Variants in PLCB4 observed in about 807,000 individuals in gnomAD.
PLCB4 encodes phospholipase C beta 4.
In PLCB4, 77 loss-of-function variants were observed where a neutral mutation model predicts 178.8. That is an observed-to-expected ratio of 0.43 (90% CI 0.36 to 0.52). The LOEUF (loss-of-function observed/expected upper bound fraction) is 0.52. Among genes scored for constraint, PLCB4 ranks in the 20% least tolerant of loss-of-function variants. The pLI, the probability that PLCB4 is intolerant of heterozygous loss-of-function variation, is 0.00. For synonymous variants in PLCB4, 496 were observed against 490.8 expected (o/e 1.01, Z -0.14); for missense variants, 1,024 against 1,453.4 (o/e 0.70, Z 4.80).
intron 35 of PLCB4, among the ~76,000 whole-genome samples, chr20:9,464,488 G>C (rs564444496): frequency 6.6e-6 from 1 of 151,806 alleles, no homozygotes; most frequent in East Asian, 1.9e-4. Context: ...CAATGAATCC[G>C]GGAGCTGGTT....
intron 4 of PLCB4, among the ~76,000 whole-genome samples, chr20:9,315,681 C>T (rs1451452284): frequency 6.6e-6 from 1 of 151,996 alleles, no homozygotes; most frequent in East Asian, 1.9e-4. Context: ...ACCTATAATC[C>T]CAGCACTTTG....
intron 2 of PLCB4, among the ~76,000 whole-genome samples, chr20:9,176,418 T>C (rs1387571852): frequency 2.0e-5 from 3 of 152,202 alleles, no homozygotes; most frequent in African/African-American, 7.2e-5. Context: ...AACTGCCAAA[T>C]TGGTTTATAA....
chr20:9,264,792 A>G (rs187676667), intron 3 of PLCB4, among the ~76,000 whole-genome samples: 62 of 152,284 alleles, frequency 4.1e-4, no homozygotes, highest in Non-Finnish European at 7.4e-5. Context: ...CCATCTCCAG[A>G]GAGTCCAGAG....
intron 2 of PLCB4, among the ~76,000 whole-genome samples, chr20:9,148,428 A>C (rs993683721): frequency 3.9e-5 from 6 of 152,178 alleles, no homozygotes; most frequent in African/African-American, 1.4e-4. Flanking sequence ...CACAAAGGGC[A>C]AAGGGTAAGG....
intron 8 of PLCB4, 129 bp downstream of exon 8, chr20:9,363,104 G>A: frequency 1.4e-6 from 1 of 708,552 alleles, no homozygotes; most frequent in Middle Eastern, 2.3e-4. Flanking sequence ...CCTGACCTTG[G>A]AGTTGACCAA....
chr20:9,325,499 A>T (rs1192002754), intron 4 of PLCB4, among the ~76,000 whole-genome samples: 1 of 152,180 alleles, frequency 6.6e-6, no homozygotes, highest in Non-Finnish European at 1.5e-5. Context: ...GGCAAGAGTC[A>T]GGGAACCCTC....
At chr20:9,247,871 C>T (rs1376083321) in intron 3 of PLCB4, among the ~76,000 whole-genome samples, 1 of 152,126 alleles carries the variant, frequency 6.6e-6, no homozygotes, top group African/African-American at 2.4e-5. Context: ...ATGCAGCCTC[C>T]ATTTCCTCTC....
At chr20:9,154,367 A>G (rs902369695) in intron 2 of PLCB4, among the ~76,000 whole-genome samples, 1 of 152,198 alleles carries the variant, frequency 6.6e-6, no homozygotes, top group Non-Finnish European at 1.5e-5. Context: ...GATGATGGAG[A>G]GGAGAATGAC....
chr20:9,320,519 C>A (rs950134487), intron 4 of PLCB4, among the ~76,000 whole-genome samples: 1 of 152,146 alleles, frequency 6.6e-6, no homozygotes, highest in Non-Finnish European at 1.5e-5. Context: ...AATGCCTAAC[C>A]TCCTGGGAAT....
chr20:9,095,641 A>T (rs977855647), intron 1 of PLCB4, among the ~76,000 whole-genome samples: 13 of 152,218 alleles, frequency 8.5e-5, no homozygotes, highest in African/African-American at 3.1e-4. Context: ...AGTGACTAGT[A>T]GGTTTCTGTG....
chr20:9,476,709 A>G lies in PLCB4; in HGVS notation c.3496-8A>G, dbSNP rs771480129. 1 of 1,599,098 alleles carries G rather than the reference A, an allele frequency of 6.3e-7. No homozygotes were observed. Among genetic ancestry groups the G allele is most frequent in the South Asian group, 1.1e-5 (1 of 90,596 alleles). On this transcript the variant is annotated splice_region_variant and splice_polypyrimidine_tract_variant and intron_variant, in intron 38 of 39. Coordinates refer to ENST00000378473, the MANE Select transcript of PLCB4 (RefSeq NM_001377142.1). Reference sequence around the variant, plus strand: ...TCAATTTTGACATTACTATTTTTGTACAAACAGCTTTTGAAATCCTGTCAT... The same window carrying G: ...TCAATTTTGACATTACTATTTTTGTGCAAACAGCTTTTGAAATCCTGTCAT...
chr20:9,300,774 G>A (rs904505371), intron 3 of PLCB4, among the ~76,000 whole-genome samples: 1 of 152,112 alleles, frequency 6.6e-6, no homozygotes, highest in African/African-American at 2.4e-5. Context: ...AGTCTGTACT[G>A]CATTCCAAAC....
intron 2 of PLCB4, among the ~76,000 whole-genome samples, chr20:9,147,772 T>C (rs2092624200): frequency 6.6e-6 from 1 of 152,138 alleles, no homozygotes; most frequent in South Asian, 2.1e-4. Flanking sequence ...TGCTAATATT[T>C]CCATTGGCCA....
intron 4 of PLCB4, among the ~76,000 whole-genome samples, chr20:9,319,222 A>T (rs1007050878): frequency 6.7e-6 from 1 of 149,236 alleles, no homozygotes; most frequent in Non-Finnish European, 1.5e-5. Flanking sequence ...GGGAGAAGAA[A>T]TTTTTTTAAA....
intron 4 of PLCB4, among the ~76,000 whole-genome samples, chr20:9,319,780 A>T (rs2094938816): frequency 6.6e-6 from 1 of 152,152 alleles, no homozygotes; most frequent in South Asian, 2.1e-4. Flanking sequence ...ATCAATTCAA[A>T]CACAAATCTC....
intron 3 of PLCB4, among the ~76,000 whole-genome samples, chr20:9,291,192 A>G (rs181751376): frequency 1.2e-3 from 186 of 152,302 alleles, no homozygotes; most frequent in Non-Finnish European, 1.0e-3. Context: ...CACTTTTCCA[A>G]TGTCACATTA....
intron 32 of PLCB4, 77 bp from the exon 33 acceptor site, chr20:9,453,270 G>A (rs777107184): frequency 1.2e-6 from 1 of 816,484 alleles, no homozygotes; most frequent in African/African-American, 1.7e-5. Context: ...AGGGAAGCTG[G>A]TGAAAGTTAT....
At chr20:9,469,592 G>A (rs1291563906) in intron 36 of PLCB4, among the ~76,000 whole-genome samples, 1 of 152,230 alleles carries the variant, frequency 6.6e-6, no homozygotes, top group Non-Finnish European at 1.5e-5. Context: ...CCCAGGGCAG[G>A]CCCTAAGCAA....
At chr20:9,283,984 A>G (rs1292064759) in intron 3 of PLCB4, among the ~76,000 whole-genome samples, 1 of 151,970 alleles carries the variant, frequency 6.6e-6, no homozygotes. Context: ...TTCATTCTAT[A>G]CAGGTCTATA....
Sources: allele counts gnomAD v4.1 joint callset (sites outside exome capture counted in the v4.1 genomes callset), GRCh38; gene constraint gnomAD v4.1.1; transcripts MANE v1.5; gene names NCBI Gene and HGNC (gene_info 2026-07-23, HGNC 2026-07-21).